The following NRG1 variants were observed in gnomAD, a reference collection of about 807,000 sequenced individuals.
The protein encoded by NRG1 is neuregulin 1, also known as pro-neuregulin-1, membrane-bound isoform.
NRG1 carries 18 observed loss-of-function variants against 63.8 expected under a neutral mutation model. That is an observed-to-expected ratio of 0.28 (90% CI 0.19 to 0.42). The LOEUF is 0.42. NRG1 is among the 10% of genes least tolerant of loss of function. The pLI is 1.00. For missense variants in NRG1, 762 were observed against 814.7 expected (o/e 0.94, Z 0.79); for synonymous variants, 302 against 301.3 (o/e 1.00, Z -0.02).
intron 1 of NRG1, among the ~76,000 whole-genome samples, chr8:32,467,861 C>A (rs1823270946): frequency 6.6e-6 from 1 of 152,166 alleles, no homozygotes; most frequent in Admixed American, 6.5e-5. Context: ...TATAGGCCAG[C>A]TTTTCAGGAC....
At chr8:31,938,087 C>T (rs570227268) in intron 1 of NRG1, among the ~76,000 whole-genome samples, 4 of 152,264 alleles carry the variant, frequency 2.6e-5, no homozygotes, top group South Asian at 2.1e-4. Flanking sequence ...AATGACACCT[C>T]CTGGCTGGAG....
At chr8:32,625,788 C>CTTTTTTTTTT (rs1563796353) in intron 5 of NRG1, among the ~76,000 whole-genome samples, 1 of 94,240 alleles carries the variant, frequency 1.1e-5, no homozygotes, top group Non-Finnish European at 2.2e-5. Context: ...TTTTTTTTTT[C>CTTTTTTTTTT]TTTTTTCTTT....
chr8:32,686,363 C>T (rs1810121667), intron 5 of NRG1, among the ~76,000 whole-genome samples: 1 of 152,126 alleles, frequency 6.6e-6, no homozygotes, highest in African/African-American at 2.4e-5. Context: ...CCCTGTATCC[C>T]ATTAGGGTTG....
In NRG1 at chr8:32,742,214, C is replaced by T; in HGVS notation, c.633-461C>T. On this transcript the variant is annotated intron_variant, in intron 6 of 11. Coordinates refer to ENST00000356819, the Ensembl canonical transcript of NRG1. The surrounding 1 kb of genome is among the most constrained non-coding windows in gnomAD (Gnocchi z 4.2). ...TAACCTCTCAAGGCATAAACCCATT[C>T]AGTGTTACCTTATTTAACTGTCTCT... 2 of 708,816 alleles carry T rather than the reference C, an allele frequency of 2.8e-6. No homozygotes were observed. The highest frequency in any genetic ancestry group is 4.9e-6 in the Non-Finnish European group (2 of 410,530). The allele number at this position is 708,816 out of a possible 1,614,324, so 43.9% of individuals were successfully genotyped here.
chr8:32,160,328 C>CT (rs1390703055), intron 1 of NRG1, among the ~76,000 whole-genome samples: 1 of 152,220 alleles, frequency 6.6e-6, no homozygotes, highest in East Asian at 1.9e-4. Flanking sequence ...TGAGCACTTA[C>CT]TGTGTGACTA....
At chr8:32,653,018 A>G (rs544445385) in intron 5 of NRG1, among the ~76,000 whole-genome samples, 43 of 152,202 alleles carry the variant, frequency 2.8e-4, no homozygotes, top group Non-Finnish European at 5.3e-4. Context: ...TGAACGTTCT[A>G]CTACAGCATA....
At chr8:32,572,025 T>A (rs566524518) in intron 1 of NRG1, among the ~76,000 whole-genome samples, 7 of 152,308 alleles carry the variant, frequency 4.6e-5, no homozygotes, top group African/African-American at 1.7e-4. Flanking sequence ...CACTTTTATG[T>A]CCTATCTTCT....
intron 1 of NRG1, among the ~76,000 whole-genome samples, chr8:32,097,983 C>T (rs1830096092): frequency 6.6e-6 from 1 of 151,974 alleles, no homozygotes; most frequent in African/African-American, 2.4e-5. Context: ...TAATTAAAGC[C>T]AGTTGGCCAG....
At chr8:32,551,635 A>G (rs1173905231) in intron 1 of NRG1, among the ~76,000 whole-genome samples, 1 of 152,232 alleles carries the variant, frequency 6.6e-6, no homozygotes, top group African/African-American at 2.4e-5. Context: ...CTAAATGTTG[A>G]ATTGCACACT....
chr8:32,689,098 A>G (rs1810928665), intron 5 of NRG1, among the ~76,000 whole-genome samples: 1 of 152,192 alleles, frequency 6.6e-6, no homozygotes, highest in Non-Finnish European at 1.5e-5. Flanking sequence ...CCGTACAGCC[A>G]ACTGTAGAGC....
chr8:31,898,242 A>G (rs1831761642), intron 1 of NRG1, among the ~76,000 whole-genome samples: 1 of 152,176 alleles, frequency 6.6e-6, no homozygotes, highest in Admixed American at 6.5e-5. Flanking sequence ...GCTACTGGTC[A>G]TTCACATTTG....
chr8:32,436,280 C>G (rs1049097958), intron 1 of NRG1, among the ~76,000 whole-genome samples: 1 of 152,130 alleles, frequency 6.6e-6, no homozygotes, highest in African/African-American at 2.4e-5. Flanking sequence ...AAACCACCCC[C>G]ATGATTCAAC....
chr8:31,655,532 A>G (rs1308502196), intron 1 of NRG1, among the ~76,000 whole-genome samples: 1 of 152,218 alleles, frequency 6.6e-6, no homozygotes, highest in African/African-American at 2.4e-5. Flanking sequence ...AGTCAGCACA[A>G]AGGAAGCAAA....
chr8:32,213,844 G>A lies in NRG1; in HGVS notation c.38-381984G>A, dbSNP rs568523163. 3.3e-4 allele frequency among the ~76,000 whole-genome samples: 50 copies of A among 152,236 alleles called. No individual in the cohort carries two copies. The South Asian group carries it at 9.8e-3, about 30-fold the overall frequency. ...ATTAGTGTGTGCATTGGGCTCACAC[G>A]TGGGAGCACTCAGACGTGAGTAACT... On this transcript the variant is annotated intron_variant, in intron 1 of 10. Coordinates refer to the NRG1 transcript ENST00000519301.
chr8:31,662,472 G>C (rs1343204686), intron 1 of NRG1, among the ~76,000 whole-genome samples: 1 of 152,108 alleles, frequency 6.6e-6, no homozygotes, highest in African/African-American at 2.4e-5. Flanking sequence ...TGAAGTCTTT[G>C]CATTTTCAAT....
At chr8:32,584,115 C>T (rs1209616269) in intron 1 of NRG1, among the ~76,000 whole-genome samples, 1 of 152,162 alleles carries the variant, frequency 6.6e-6, no homozygotes, top group African/African-American at 2.4e-5. Flanking sequence ...GACCAAAGGG[C>T]ACTGACTTCC....
intron 1 of NRG1, among the ~76,000 whole-genome samples, chr8:31,954,248 G>A (rs554172622): frequency 2.0e-5 from 3 of 152,228 alleles, no homozygotes; most frequent in African/African-American, 7.2e-5. Flanking sequence ...CCCATTTAGA[G>A]GTGAAGACAC....
At chr8:31,845,448 T>C (rs1009068299) in intron 1 of NRG1, among the ~76,000 whole-genome samples, 1 of 152,192 alleles carries the variant, frequency 6.6e-6, no homozygotes, top group Non-Finnish European at 1.5e-5. Context: ...TTTTCATGTT[T>C]GGTACTTCAG....
chr8:32,121,100 A>G (rs1036258961), intron 1 of NRG1, among the ~76,000 whole-genome samples: 10 of 151,994 alleles, frequency 6.6e-5, no homozygotes, highest in African/African-American at 2.2e-4. Flanking sequence ...ACCTTGGCTT[A>G]CCCTATTGTT....
Sources: allele counts gnomAD v4.1 joint callset (sites outside exome capture counted in the v4.1 genomes callset), GRCh38; gene constraint gnomAD v4.1.1; non-coding constraint Gnocchi (gnomAD v3.1); transcripts MANE v1.5; gene names NCBI Gene and HGNC (gene_info 2026-07-23, HGNC 2026-07-21).